The following HPSE2 variants were observed in gnomAD, a reference collection of about 807,000 sequenced individuals.
HPSE2 encodes the protein heparanase 2 (inactive), also known as inactive heparanase-2.
A neutral mutation model predicts 60.5 loss-of-function variants in HPSE2; 38 were observed. That is an observed-to-expected ratio of 0.63 (90% confidence interval 0.48 to 0.82). The LOEUF (loss-of-function observed/expected upper bound fraction) is 0.82, where lower values mean the gene tolerates loss of function less well. Ranked by LOEUF, HPSE2 falls within the 40% of genes least tolerant of loss-of-function variation. HPSE2 has a pLI of 0.00. For missense variants in HPSE2, 713 were observed against 740.4 expected, an observed-to-expected ratio of 0.96 and a Z score of 0.43; for synonymous variants, 295 against 293.2, an observed-to-expected ratio of 1.01 and a Z score of -0.06.
chr10:98,684,820 C>T (rs946155327), intron 6 of HPSE2, among the ~76,000 whole-genome samples: 1 of 150,472 alleles, frequency 6.6e-6, no homozygotes, highest in Admixed American at 6.6e-5. Context: ...AGCTCATTAC[C>T]AAAAAAAAGG....
rs1017478914 is a variant in HPSE2 at position 98,486,075 on chromosome 10, C to T, written c.1467-3293G>A. Among the ~76,000 whole-genome samples, 4 of 152,170 alleles carry T rather than the reference C, an allele frequency of 2.6e-5. No individual in the cohort carries two copies. In the East Asian group the frequency reaches 5.8e-4, roughly 22 times the overall value. On this transcript the variant is annotated intron_variant, in intron 10 of 11. Transcript: ENST00000370552. ...ATATAGAGGCTCTCAGAACTCATAG[C>T]GCCTTCTCAGGTAGGAATTGGCATT... is the stretch of plus-strand genomic sequence containing the variant.
At chr10:99,030,654 GA>G (rs1442597241) in intron 3 of HPSE2, among the ~76,000 whole-genome samples, 1 of 151,746 alleles carries the variant, frequency 6.6e-6, no homozygotes, top group Non-Finnish European at 1.5e-5. Context: ...ATACCCCAAA[GA>G]AAAAAAATCA....
rs1952774154 is a variant in HPSE2, at chr10:98,872,977, A to T, written c.611-128921T>A. Among the ~76,000 whole-genome samples the T allele has an allele frequency of 2.0e-5, 3 of 152,136 alleles. No individual in the cohort carries two copies. The South Asian group carries it at 6.2e-4, about 31-fold the overall frequency. ...GGCTTCCGTTGAAGGGACACTAAGC[A>T]GCATCTGCTTGCTCTGTTTAGAAGG... On this transcript the variant is annotated intron_variant, in intron 3 of 11. Transcript: ENST00000370552.
At chr10:98,598,937 T>G (rs1467181632) in intron 9 of HPSE2, among the ~76,000 whole-genome samples, 1 of 151,884 alleles carries the variant, frequency 6.6e-6, no homozygotes, top group Non-Finnish European at 1.5e-5. Context: ...ATTGGGTGTA[T>G]AGGTGCTGGC....
intron 3 of HPSE2, among the ~76,000 whole-genome samples, chr10:99,001,872 AT>A (rs906914258): frequency 4.0e-5 from 6 of 150,906 alleles, no homozygotes; most frequent in African/African-American, 4.8e-5. Flanking sequence ...GAGTCAGCAA[AT>A]TTTTTTTTTC....
chr10:98,869,061 G>C (rs750803123), intron 3 of HPSE2, among the ~76,000 whole-genome samples: 1 of 151,954 alleles, frequency 6.6e-6, no homozygotes, highest in African/African-American at 2.4e-5. Context: ...GTATGTGTGC[G>C]CACGCGTGTG....
intron 3 of HPSE2, among the ~76,000 whole-genome samples, chr10:98,825,058 A>T (rs1468393159): frequency 1.3e-5 from 2 of 152,236 alleles, no homozygotes; most frequent in Non-Finnish European, 2.9e-5. Flanking sequence ...TGCAAACAAC[A>T]GTAGAGTAGG....
intron 3 of HPSE2, among the ~76,000 whole-genome samples, chr10:98,992,575 T>C (rs1043120736): frequency 3.9e-5 from 6 of 152,166 alleles, no homozygotes; most frequent in South Asian, 4.1e-4. Context: ...GTACCTACTA[T>C]GTACAAGGCA....
chr10:99,014,149 C>A (rs1031994351), intron 3 of HPSE2, among the ~76,000 whole-genome samples: 1 of 152,208 alleles, frequency 6.6e-6, no homozygotes, highest in Non-Finnish European at 1.5e-5. Context: ...CCTGCTACTG[C>A]CACACACTCA....
intron 3 of HPSE2, among the ~76,000 whole-genome samples, chr10:99,032,097 C>G (rs1330496485): frequency 6.6e-6 from 1 of 152,164 alleles, no homozygotes; most frequent in Non-Finnish European, 1.5e-5. Flanking sequence ...TCTCCACTTG[C>G]CACATCATAA....
At chr10:98,543,735 C>A (rs1287263488) in intron 9 of HPSE2, among the ~76,000 whole-genome samples, 1 of 151,872 alleles carries the variant, frequency 6.6e-6, no homozygotes, top group Admixed American at 6.6e-5. Flanking sequence ...ACAAAGAAGG[C>A]CATTACATAA....
At chr10:98,797,565 C>T (rs555632034) in intron 3 of HPSE2, among the ~76,000 whole-genome samples, 5 of 152,046 alleles carry the variant, frequency 3.3e-5, no homozygotes, top group East Asian at 3.9e-4. Context: ...GAGGGTAAGC[C>T]GGGCGCAGTG....
chr10:98,763,579 TAA>T (rs1950054646), intron 3 of HPSE2, among the ~76,000 whole-genome samples: 2 of 152,068 alleles, frequency 1.3e-5, no homozygotes, highest in Non-Finnish European at 2.9e-5. Context: ...TATCTGGATT[TAA>T]AAGACTCTTT....
intron 3 of HPSE2, among the ~76,000 whole-genome samples, chr10:99,054,994 G>A (rs1186581830): frequency 6.6e-6 from 1 of 152,046 alleles, no homozygotes; most frequent in Non-Finnish European, 1.5e-5. Context: ...TTACAAGTGT[G>A]AGCCACTGTG....
chr10:98,797,762 T>A (rs1202603277), intron 3 of HPSE2, among the ~76,000 whole-genome samples: 1 of 151,974 alleles, frequency 6.6e-6, no homozygotes, highest in Admixed American at 6.6e-5. Flanking sequence ...AAGAATGGCA[T>A]GAACCTGGGA....
intron 3 of HPSE2, among the ~76,000 whole-genome samples, chr10:98,869,431 C>G (rs1329301492): frequency 2.0e-5 from 3 of 152,134 alleles, no homozygotes; most frequent in Non-Finnish European, 1.5e-5. Context: ...CTTACTACAA[C>G]AATGTTGTTA....
intron 4 of HPSE2, among the ~76,000 whole-genome samples, chr10:98,726,487 G>C (rs1226692841): frequency 1.4e-5 from 2 of 146,632 alleles, no homozygotes; most frequent in South Asian, 2.3e-4. Context: ...GACTGTTGTG[G>C]GGCAGGGGGA....
At chr10:98,904,431 G>A (rs1223019152) in intron 3 of HPSE2, among the ~76,000 whole-genome samples, 1 of 152,108 alleles carries the variant, frequency 6.6e-6, no homozygotes, top group East Asian at 1.9e-4. Flanking sequence ...GGGCTTTGAA[G>A]ATGAAGAGAA....
At chr10:98,758,852 T>C (rs1463315349) in intron 3 of HPSE2, among the ~76,000 whole-genome samples, 1 of 152,160 alleles carries the variant, frequency 6.6e-6, no homozygotes, top group Non-Finnish European at 1.5e-5. Context: ...CCCAAAGGAA[T>C]ATAAATCATT....
Sources: gnomAD v4.1 joint callset for allele counts (sites outside exome capture counted in the v4.1 genomes callset) on GRCh38, gnomAD v4.1.1 for gene constraint, MANE v1.5 for transcripts, NCBI Gene and HGNC (gene_info 2026-07-23, HGNC 2026-07-21) for gene names.